The following MBD5 variants were observed in gnomAD, a reference collection of about 807,000 sequenced individuals.
MBD5 encodes methyl-CpG-binding domain protein 5.
In MBD5, 13 loss-of-function variants were observed where a neutral mutation model predicts 117.3. That is an observed-to-expected ratio of 0.11 (90% CI 0.07 to 0.18). MBD5 has a LOEUF of 0.18. Among genes scored for constraint, MBD5 ranks in the 10% least tolerant of loss-of-function variants. MBD5 has a pLI of 1.00. For synonymous variants in MBD5, 727 were observed against 766.4 expected (o/e 0.95, Z 0.85); for missense variants, 1,879 against 2,093.8 (o/e 0.90, Z 2.00).
rs1695898672 is a variant in MBD5, at chr2:148,090,127, T to C, written c.-925+68443T>C. Among the ~76,000 whole-genome samples the C allele has an allele frequency of 3.9e-5, 6 of 152,004 alleles. No individual in the cohort carries two copies. The South Asian group carries it at 1.2e-3, about 32-fold the overall frequency. On this transcript the variant is annotated intron_variant, in intron 1 of 13. Coordinates refer to ENST00000642680, the MANE Select transcript of MBD5 (RefSeq NM_001378120.1). ...CCTGGAAATATACAAGCCTCCTAGATTAAATCAGGAAGAAGTAGAAACTCT... is the reference window on the plus strand; with the variant it reads ...CCTGGAAATATACAAGCCTCCTAGACTAAATCAGGAAGAAGTAGAAACTCT...
chr2:148,025,561 AC>A lies in MBD5; in HGVS notation c.-925+3878del, dbSNP rs1247493544. The A allele has an allele frequency of 5.3e-5, 8 of 150,804 alleles. No individual in the cohort carries two copies. The East Asian group carries it at 5.8e-4, about 11-fold the overall frequency. The allele number at this position is 150,804 out of a possible 1,614,324, so 9.3% of individuals were successfully genotyped here. On this transcript the variant is annotated intron_variant, in intron 1 of 13. Transcript: ENST00000642680. ...ATTAAATTTTTCCAAAAAAAAAAAA[AC>A]ACCCCAAACCCTCTAAACTTAAATC... is the stretch of plus-strand genomic sequence containing the variant.
At chr2:148,500,351 T>C (rs1233504170) in intron 11 of MBD5, among the ~76,000 whole-genome samples, 1 of 151,982 alleles carries the variant, frequency 6.6e-6, no homozygotes, top group African/African-American at 2.4e-5. Flanking sequence ...TTGGAGTTGG[T>C]ATGGTGGAGA....
At chr2:148,294,501 G>GTTTGTTTTGTTTT (rs1553496237) in intron 3 of MBD5, among the ~76,000 whole-genome samples, 36 of 113,262 alleles carry the variant, frequency 3.2e-4, no homozygotes, top group African/African-American at 1.3e-3. Context: ...TGGGATTACA[G>GTTTGTTTTGTTTT]TTTTTTTTTT....
chr2:148,307,789 CT>C (rs1182662239), intron 3 of MBD5, among the ~76,000 whole-genome samples: 1 of 152,140 alleles, frequency 6.6e-6, no homozygotes, highest in Non-Finnish European at 1.5e-5. Flanking sequence ...TATCCCTCCC[CT>C]AGCCCCCGAC....
intron 4 of MBD5, among the ~76,000 whole-genome samples, chr2:148,443,569 A>G (rs1409711313): frequency 6.6e-6 from 1 of 151,464 alleles, no homozygotes; most frequent in African/African-American, 2.5e-5. Flanking sequence ...AAGAAGAATG[A>G]GATCCTATCA....
intron 4 of MBD5, among the ~76,000 whole-genome samples, chr2:148,423,007 T>G (rs895994351): frequency 2.6e-5 from 4 of 152,128 alleles, no homozygotes; most frequent in Non-Finnish European, 5.9e-5. Flanking sequence ...AAAACACTCT[T>G]TAGGATATTA....
At chr2:148,195,817 A>T (rs980070878) in intron 2 of MBD5, among the ~76,000 whole-genome samples, 1 of 152,218 alleles carries the variant, frequency 6.6e-6, no homozygotes, top group East Asian at 1.9e-4. Flanking sequence ...AATTCACCAG[A>T]GAAATTAGAA....
intron 1 of MBD5, among the ~76,000 whole-genome samples, chr2:148,145,078 G>T (rs1697417481): frequency 1.3e-5 from 2 of 152,200 alleles, no homozygotes; most frequent in Admixed American, 6.5e-5. Flanking sequence ...TCCTATTCAT[G>T]AGCATGGAAT....
intron 1 of MBD5, among the ~76,000 whole-genome samples, chr2:148,062,848 T>C (rs1188052128): frequency 6.6e-6 from 1 of 152,136 alleles, no homozygotes; most frequent in Non-Finnish European, 1.5e-5. Context: ...TAAATGCATA[T>C]AGTGGTATTA....
intron 8 of MBD5, 48 bp downstream of exon 8, chr2:148,470,509 C>CT (rs869310271): frequency 6.9e-7 from 1 of 1,454,336 alleles, no homozygotes; most frequent in East Asian, 2.3e-5. Context: ...AACTTTTCTA[C>CT]TTTTTTAAAA....
chr2:148,072,603 C>G (rs545878714), intron 1 of MBD5, among the ~76,000 whole-genome samples: 1 of 152,108 alleles, frequency 6.6e-6, no homozygotes, highest in Non-Finnish European at 1.5e-5. Context: ...TTTAATACGA[C>G]GTGCCTCTTC....
At position 148,516,443 on chromosome 2, in the gene MBD5, T is replaced by A. The variant is rs1021992930; in HGVS notation, c.*3502T>A. The A allele has an allele frequency of 2.6e-5, 4 of 152,330 alleles. No homozygotes were observed. The highest frequency in any genetic ancestry group is 2.1e-4 in the South Asian group (1 of 4,828). The allele number at this position is 152,330 out of a possible 1,614,324, so 9.4% of individuals were successfully genotyped here. A position where few individuals can be genotyped will look rare whatever the true frequency, so the allele number is the denominator to read the frequency against. On this transcript the variant is annotated 3_prime_UTR_variant, in exon 14 of 14. Coordinates refer to ENST00000642680, the MANE Select transcript of MBD5 (RefSeq NM_001378120.1). Reference sequence around the variant, plus strand: ...ACTCAAGACTTTTCAATGTAGTATATCAAATGAGTTGTGCATTGATTCATT... The same window carrying A: ...ACTCAAGACTTTTCAATGTAGTATAACAAATGAGTTGTGCATTGATTCATT...
rs1227323118 is a variant in MBD5 at position 148,489,759 on chromosome 2, T to A, written c.4127T>A (p.Val1376Asp). The A allele has an allele frequency of 1.2e-6, 2 of 1,614,134 alleles. No homozygotes were observed. Among genetic ancestry groups the A allele is most frequent in the Non-Finnish European group, 8.5e-7 (1 of 1,180,010 alleles). Residue 1376 changes from valine to aspartate, a missense_variant, in exon 11 of 14, where the codon GTC (valine) becomes GAC (aspartate). Val to Asp is a radical substitution (Grantham distance 152). Around this residue, in one of 4 missense-constraint regions of MBD5, gnomAD observed 1,666 missense variants for 1,792.2 expected, o/e 0.93. Coordinates refer to ENST00000642680, the MANE Select transcript of MBD5 (RefSeq NM_001378120.1). ...PLNLSSAVSA[V>D]IHGRNMGGVD... ...AATCTCTCCAGTGCTGTCAGTGCGG[T>A]CATTCATGGACGGAACATGGGAGGT...
At chr2:148,169,262 A>G (rs6739781) in intron 1 of MBD5, among the ~76,000 whole-genome samples, 146,508 of 152,080 alleles carry the variant, frequency 0.96, 70,803 homozygotes, top group East Asian at 1. Flanking sequence ...TCAACCTTGA[A>G]TTCTTGATCC....
intron 3 of MBD5, among the ~76,000 whole-genome samples, chr2:148,340,476 G>A (rs370058371): frequency 1.1e-4 from 16 of 152,160 alleles, no homozygotes; most frequent in East Asian, 7.7e-4. Context: ...GGTCTAATTT[G>A]AGTTTTTAAT....
At chr2:148,420,462 G>A (rs1230152177) in intron 4 of MBD5, among the ~76,000 whole-genome samples, 1 of 152,018 alleles carries the variant, frequency 6.6e-6, no homozygotes, top group African/African-American at 2.4e-5. Context: ...ATTTAACAAT[G>A]ACAGAGAAGT....
intron 11 of MBD5, among the ~76,000 whole-genome samples, chr2:148,499,809 C>G (rs944852738): frequency 2.0e-5 from 3 of 151,956 alleles, no homozygotes; most frequent in African/African-American, 7.3e-5. Context: ...CCATTTTGGG[C>G]GGGGGTATCT....
At chr2:148,341,499 A>G (rs1261745684) in intron 3 of MBD5, among the ~76,000 whole-genome samples, 1 of 152,082 alleles carries the variant, frequency 6.6e-6, no homozygotes, top group African/African-American at 2.4e-5. Context: ...GATATTGCCA[A>G]TTATAAAGGC....
chr2:148,492,847 T>A (rs1681571966), intron 11 of MBD5, among the ~76,000 whole-genome samples: 1 of 152,108 alleles, frequency 6.6e-6, no homozygotes, highest in South Asian at 2.1e-4. Context: ...CTATGTTCAA[T>A]ATCTGTATAA....
Sources: allele counts gnomAD v4.1 joint callset (sites outside exome capture counted in the v4.1 genomes callset), GRCh38; gene constraint gnomAD v4.1.1; regional missense constraint gnomAD v4.1.1; transcripts MANE v1.5; gene names NCBI Gene and HGNC (gene_info 2026-07-23, HGNC 2026-07-21).